MACROD2: variants seen among roughly 807,000 people sequenced by gnomAD.
MACROD2 encodes mono-ADP ribosylhydrolase 2.
Under a neutral mutation model 70.4 loss-of-function variants are expected in MACROD2, and 36 were observed. The ratio of observed to expected loss-of-function variants is 0.51; its 90% confidence interval spans 0.39 to 0.68. The LOEUF is 0.68. MACROD2 is among the 30% of genes least tolerant of loss of function. The probability of loss-of-function intolerance (pLI) is 0.00; values close to 1 mark genes in which losing one functional copy is unlikely to be tolerated. For missense variants in MACROD2, 496 were observed against 538.4 expected, an observed-to-expected ratio of 0.92 and a Z score of 0.78; for synonymous variants, 172 against 178.8, an observed-to-expected ratio of 0.96 and a Z score of 0.30.
At chr20:15,259,200 C>CAACAAA (rs1295003614) in intron 6 of MACROD2, among the ~76,000 whole-genome samples, 1 of 151,822 alleles carries the variant, frequency 6.6e-6, no homozygotes, top group African/African-American at 2.4e-5. Flanking sequence ...ACAACAACAA[C>CAACAAA]AAAATTTAGG....
rs368215775 is a variant in MACROD2 at position 14,715,229 on chromosome 20, G to T, written c.418+30270G>T. ...TTATAAAACCATCAGATCTCATGAG[G>T]ACTTACTATCACAATAATAGCATGC... On this transcript the variant is annotated intron_variant, in intron 5 of 17. Coordinates refer to ENST00000684519, the MANE Select transcript of MACROD2 (RefSeq NM_001351661.2). 3.9e-5 allele frequency among the ~76,000 whole-genome samples: 6 copies of T among 152,192 alleles called. No individual in the cohort carries two copies. The East Asian group carries it at 9.7e-4, about 25-fold the overall frequency.
chr20:15,275,050 TGGGGGTG>T (rs2077378428), intron 6 of MACROD2, among the ~76,000 whole-genome samples: 1 of 151,336 alleles, frequency 6.6e-6, no homozygotes, highest in South Asian at 2.1e-4. Context: ...CTGGGGTGAC[TGGGGGTG>T]GGGGAGGTGC....
At chr20:15,118,083 A>G (rs970800521) in intron 5 of MACROD2, among the ~76,000 whole-genome samples, 45 of 152,116 alleles carry the variant, frequency 3.0e-4, no homozygotes, top group African/African-American at 8.2e-4. Context: ...TTGAAGATAT[A>G]CTAGTGTAAG....
intron 4 of MACROD2, among the ~76,000 whole-genome samples, chr20:14,619,945 A>T (rs895689097): frequency 6.6e-6 from 1 of 152,166 alleles, no homozygotes; most frequent in African/African-American, 2.4e-5. Context: ...GGGTGAGGGA[A>T]GATAGCAAAT....
chr20:15,470,652 G>A (rs1361330838), intron 7 of MACROD2, among the ~76,000 whole-genome samples: 6 of 152,048 alleles, frequency 3.9e-5, no homozygotes, highest in African/African-American at 1.4e-4. Context: ...CACCCTCACT[G>A]CCTCCATCTG....
chr20:15,283,196 T>C (rs2077461350), intron 6 of MACROD2, among the ~76,000 whole-genome samples: 1 of 152,162 alleles, frequency 6.6e-6, no homozygotes, highest in South Asian at 2.1e-4. Flanking sequence ...GAGATTTGGG[T>C]GGGGACACAG....
intron 8 of MACROD2, among the ~76,000 whole-genome samples, chr20:15,737,304 T>G (rs2051037201): frequency 6.6e-6 from 1 of 152,192 alleles, no homozygotes; most frequent in South Asian, 2.1e-4. Context: ...CGTCAGGAAA[T>G]CAAGATGTGA....
intron 7 of MACROD2, 102 bp from the exon 8 acceptor site, chr20:15,499,672 G>C (rs1444344964): frequency 3.0e-6 from 3 of 1,008,992 alleles, no homozygotes; most frequent in Non-Finnish European, 4.6e-6. Context: ...TGGTTGAACT[G>C]AATGTTGTTT....
intron 8 of MACROD2, among the ~76,000 whole-genome samples, chr20:15,823,016 A>G (rs943189563): frequency 1.1e-4 from 16 of 152,226 alleles, no homozygotes; most frequent in Admixed American, 4.6e-4. Context: ...CTGAGTTAAA[A>G]TCTATTATAG....
At chr20:15,301,558 C>G (rs2077642516) in intron 6 of MACROD2, among the ~76,000 whole-genome samples, 1 of 141,584 alleles carries the variant, frequency 7.1e-6, no homozygotes, top group Non-Finnish European at 1.5e-5. Context: ...TCTTACTTAT[C>G]AATGGGTGGA....
At chr20:15,622,908 G>A (rs1290095363) in intron 8 of MACROD2, among the ~76,000 whole-genome samples, 1 of 152,178 alleles carries the variant, frequency 6.6e-6, no homozygotes, top group African/African-American at 2.4e-5. Context: ...ATGGGAATAA[G>A]CATGGTGTAT....
intron 9 of MACROD2, among the ~76,000 whole-genome samples, chr20:15,864,732 G>A (rs1182804026): frequency 6.6e-6 from 1 of 152,046 alleles, no homozygotes; most frequent in Non-Finnish European, 1.5e-5. Flanking sequence ...CAGTACATGA[G>A]CAAGTGAAAT....
intron 6 of MACROD2, among the ~76,000 whole-genome samples, chr20:15,254,709 T>C (rs1601306960): frequency 6.6e-6 from 1 of 152,178 alleles, no homozygotes; most frequent in Non-Finnish European, 1.5e-5. Context: ...ATCACAGTAG[T>C]TCTATGAGGT....
intron 5 of MACROD2, among the ~76,000 whole-genome samples, chr20:15,021,265 T>TGTGTATGTATACACATAC (rs1386024417): frequency 3.8e-4 from 3 of 7,902 alleles, no homozygotes; most frequent in Non-Finnish European, 8.4e-4. Flanking sequence ...CACACACCTG[T>TGTGTATGTATACACATAC]GTGTGTGTAT....
At chr20:14,467,712 A>G (rs1183788604) in intron 3 of MACROD2, among the ~76,000 whole-genome samples, 4 of 151,978 alleles carry the variant, frequency 2.6e-5, no homozygotes, top group Non-Finnish European at 1.5e-5. Context: ...TAGGATGTTG[A>G]TTTTAGATCT....
At position 15,689,244 on chromosome 20, in the gene MACROD2, C is replaced by T. The variant is rs145705329; in HGVS notation, c.646-173501C>T. The stretch of plus-strand genomic sequence containing the variant: ...GCTTGAACCTGGGGGGTGGAGGTTG[C>T]AGTGAGCCGAGATATTGCCACTACA... On this transcript the variant is annotated intron_variant, in intron 8 of 17. Transcript: ENST00000684519. 5.1e-3 allele frequency among the ~76,000 whole-genome samples: 774 copies of T among 151,468 alleles called. 7 individuals carry two copies. The highest frequency in any genetic ancestry group is 0.016 in the African/African-American group (672 of 41,204).
intron 3 of MACROD2, among the ~76,000 whole-genome samples, chr20:14,235,784 G>A (rs922401399): frequency 9.2e-5 from 14 of 152,004 alleles, no homozygotes; most frequent in African/African-American, 1.7e-4. Flanking sequence ...TGGGACATTC[G>A]CACTCCATTT....
intron 3 of MACROD2, among the ~76,000 whole-genome samples, chr20:14,336,043 TC>T (rs749210694): frequency 6.1e-4 from 93 of 152,290 alleles, no homozygotes; most frequent in African/African-American, 2.1e-3. Context: ...TGAATATTAG[TC>T]ATCTGTCACT....
intron 6 of MACROD2, among the ~76,000 whole-genome samples, chr20:15,263,262 T>TA (rs1475201175): frequency 6.6e-6 from 1 of 152,002 alleles, no homozygotes; most frequent in Non-Finnish European, 1.5e-5. Context: ...TCTATATAGA[T>TA]ATTCAGTTTT....
Sources: gnomAD v4.1 joint callset for allele counts (sites outside exome capture counted in the v4.1 genomes callset) on GRCh38, gnomAD v4.1.1 for gene constraint, MANE v1.5 for transcripts, NCBI Gene and HGNC (gene_info 2026-07-23, HGNC 2026-07-21) for gene names.